MACROD2: variants seen among roughly 807,000 people sequenced by gnomAD.
MACROD2 encodes the protein mono-ADP ribosylhydrolase 2.
MACROD2 carries 36 observed loss-of-function variants against 70.4 expected under a neutral mutation model. That is an observed-to-expected ratio of 0.51 (90% CI 0.39 to 0.68). The LOEUF (loss-of-function observed/expected upper bound fraction) is 0.68, where lower values mean the gene tolerates loss of function less well. Among genes scored for constraint, MACROD2 ranks in the 30% least tolerant of loss-of-function variants. MACROD2 has a pLI of 0.00. For synonymous variants in MACROD2, 172 were observed against 178.8 expected (o/e 0.96, Z 0.30); for missense variants, 496 against 538.4 (o/e 0.92, Z 0.78).
At chr20:14,241,087 G>A (rs927582996) in intron 3 of MACROD2, among the ~76,000 whole-genome samples, 4 of 152,148 alleles carry the variant, frequency 2.6e-5, no homozygotes, top group African/African-American at 9.7e-5. Context: ...CTGCACTTCA[G>A]CCTGGGTGAC....
Position 16,037,074 on chromosome 20 carries a change from T to C in MACROD2, c.1154-4127T>C, listed in dbSNP as rs145094241. ...GTTTCATGGATTTCAAATCTGCCATTGAATCTCATACTAATCTATGCCAAT... is the reference window on the plus strand; with the variant it reads ...GTTTCATGGATTTCAAATCTGCCATCGAATCTCATACTAATCTATGCCAAT... On this transcript the variant is annotated intron_variant, in intron 15 of 17. Transcript: ENST00000684519. Among the ~76,000 whole-genome samples the C allele has an allele frequency of 4.1e-3, 618 of 152,132 alleles. 4 individuals are homozygous for C. Among genetic ancestry groups the C allele is most frequent in the African/African-American group, 0.013 (525 of 41,540 alleles).
intron 8 of MACROD2, among the ~76,000 whole-genome samples, chr20:15,820,904 A>G (rs1451076507): frequency 6.6e-6 from 1 of 152,210 alleles, no homozygotes; most frequent in Non-Finnish European, 1.5e-5. Flanking sequence ...TCGCCTGAAT[A>G]TATAGCCACC....
intron 3 of MACROD2, among the ~76,000 whole-genome samples, chr20:14,460,002 T>C (rs959733965): frequency 1.3e-5 from 2 of 152,114 alleles, no homozygotes; most frequent in African/African-American, 4.8e-5. Flanking sequence ...TGTGTTAGTT[T>C]GCTGAGAATG....
At chr20:15,504,801 A>G (rs868762257) in intron 8 of MACROD2, among the ~76,000 whole-genome samples, 1 of 152,230 alleles carries the variant, frequency 6.6e-6, no homozygotes, top group Non-Finnish European at 1.5e-5. Flanking sequence ...TAACTTTATT[A>G]CAGAAATAGG....
chr20:14,235,822 A>G (rs1195264351), intron 3 of MACROD2, among the ~76,000 whole-genome samples: 3 of 152,190 alleles, frequency 2.0e-5, no homozygotes, highest in Non-Finnish European at 4.4e-5. Context: ...GACCTCATTT[A>G]CAAGAGCATG....
At chr20:15,516,452 T>C (rs1390779597) in intron 8 of MACROD2, among the ~76,000 whole-genome samples, 1 of 152,172 alleles carries the variant, frequency 6.6e-6, no homozygotes, top group Non-Finnish European at 1.5e-5. Flanking sequence ...ATTCCTGTCC[T>C]AAGAAAGCTT....
intron 5 of MACROD2, among the ~76,000 whole-genome samples, chr20:15,113,438 A>T (rs2075970000): frequency 6.6e-6 from 1 of 152,176 alleles, no homozygotes; most frequent in South Asian, 2.1e-4. Context: ...ATAAAGGGGC[A>T]TGTTTAACTT....
intron 6 of MACROD2, among the ~76,000 whole-genome samples, chr20:15,235,159 TA>T (rs1205316950): frequency 6.6e-6 from 1 of 152,224 alleles, no homozygotes; most frequent in Non-Finnish European, 1.5e-5. Flanking sequence ...CAACGTGTAA[TA>T]GAGTAGATGT....
intron 8 of MACROD2, among the ~76,000 whole-genome samples, chr20:15,716,836 G>A: frequency 6.6e-6 from 1 of 152,112 alleles, no homozygotes; most frequent in East Asian, 1.9e-4. Flanking sequence ...GGAAAGGCTG[G>A]GAATGAAAGA....
At chr20:15,880,930 T>C (rs2064745985) in intron 9 of MACROD2, among the ~76,000 whole-genome samples, 1 of 152,128 alleles carries the variant, frequency 6.6e-6, no homozygotes, top group Non-Finnish European at 1.5e-5. Flanking sequence ...TTGCCTCTTC[T>C]GGAATGCCTT....
chr20:14,018,677 G>T (rs748294259), intron 2 of MACROD2, among the ~76,000 whole-genome samples: 2 of 151,740 alleles, frequency 1.3e-5, no homozygotes, highest in African/African-American at 4.8e-5. Flanking sequence ...TTTTCTCTTC[G>T]TTGGTCTCAT....
At chr20:15,503,648 A>G (rs971702794) in intron 8 of MACROD2, among the ~76,000 whole-genome samples, 4 of 152,136 alleles carry the variant, frequency 2.6e-5, no homozygotes, top group South Asian at 2.1e-4. Flanking sequence ...CTCCATCTCT[A>G]TCTCTCCCAT....
chr20:15,266,380 T>C (rs1400168887), intron 6 of MACROD2, among the ~76,000 whole-genome samples: 1 of 152,220 alleles, frequency 6.6e-6, no homozygotes, highest in African/African-American at 2.4e-5. Flanking sequence ...CTAAAATAGT[T>C]CAATTCAAGA....
intron 3 of MACROD2, among the ~76,000 whole-genome samples, chr20:14,303,171 T>C (rs2082490892): frequency 6.6e-6 from 1 of 152,148 alleles, no homozygotes. Flanking sequence ...CTTTTCAATT[T>C]TCTTGCTTTA....
chr20:14,301,735 A>AT lies in MACROD2; in HGVS notation c.272-191736dup, dbSNP rs552584191. Among the ~76,000 whole-genome samples the AT allele has an allele frequency of 3.7e-3, 566 of 152,024 alleles. 3 individuals are homozygous for AT. Among genetic ancestry groups the AT allele is most frequent in the Non-Finnish European group, 5.5e-3 (375 of 67,946 alleles). ...TATTGCTGTCCCCTTAAAGCATTAC[A>AT]TTTTTTTTAACTAAAATGTCTTGAT... On this transcript the variant is annotated intron_variant, in intron 3 of 17. Transcript: ENST00000684519.
intron 9 of MACROD2, among the ~76,000 whole-genome samples, chr20:15,871,390 A>G (rs1042211691): frequency 6.2e-4 from 94 of 152,240 alleles, no homozygotes; most frequent in African/African-American, 2.1e-3. Flanking sequence ...CACTGATTTT[A>G]TAAGTTTATC....
intron 6 of MACROD2, among the ~76,000 whole-genome samples, chr20:15,241,377 G>A (rs1401848197): frequency 6.6e-6 from 1 of 152,124 alleles, no homozygotes; most frequent in Non-Finnish European, 1.5e-5. Flanking sequence ...TCTAGATGCT[G>A]TGACATTCAT....
intron 15 of MACROD2, among the ~76,000 whole-genome samples, chr20:16,029,680 T>C (rs1040013825): frequency 5.3e-5 from 8 of 152,058 alleles, no homozygotes; most frequent in Admixed American, 4.6e-4. Flanking sequence ...TTTACCTCCC[T>C]AACTAGGAGA....
chr20:15,660,526 A>G (rs2049805301), intron 8 of MACROD2, among the ~76,000 whole-genome samples: 1 of 152,202 alleles, frequency 6.6e-6, no homozygotes, highest in South Asian at 2.1e-4. Context: ...GGTGTCAGTA[A>G]TCATATGCCA....
Sources: allele counts gnomAD v4.1 joint callset (sites outside exome capture counted in the v4.1 genomes callset), GRCh38; gene constraint gnomAD v4.1.1; transcripts MANE v1.5; gene names NCBI Gene and HGNC (gene_info 2026-07-23, HGNC 2026-07-21).